Variants in DCDC1 observed in about 807,000 individuals in gnomAD.
DCDC1 encodes the protein doublecortin domain containing 1, also known as doublecortin domain-containing protein 1.
Under a neutral mutation model 178.3 loss-of-function variants are expected in DCDC1, and 200 were observed. The ratio of observed to expected loss-of-function variants is 1.12; its 90% CI spans 1.00 to 1.26. The LOEUF (loss-of-function observed/expected upper bound fraction) is 1.26. Ranked by LOEUF, DCDC1 falls within the 50% of genes most tolerant of loss-of-function variation. The pLI is 0.00. For synonymous variants in DCDC1, 690 were observed against 604.8 expected (o/e 1.14, Z -2.07); for missense variants, 1,983 against 1,749.2 (o/e 1.13, Z -2.38).
chr11:31,354,377 G>C (rs1319818516), intron 1 of DCDC1, among the ~76,000 whole-genome samples: 1 of 152,178 alleles, frequency 6.6e-6, no homozygotes, highest in Non-Finnish European at 1.5e-5. Flanking sequence ...CAAAAGGAAA[G>C]AATATCTTTT....
intron 10 of DCDC1, among the ~76,000 whole-genome samples, chr11:31,137,269 T>C (rs1963249565): frequency 6.6e-6 from 1 of 152,016 alleles, no homozygotes; most frequent in Non-Finnish European, 1.5e-5. Flanking sequence ...GTTTCTATCA[T>C]AAGTTGTTTT....
intron 9 of DCDC1, among the ~76,000 whole-genome samples, chr11:31,149,444 C>T (rs1174120243): frequency 6.6e-6 from 1 of 152,132 alleles, no homozygotes; most frequent in African/African-American, 2.4e-5. Flanking sequence ...ATGGACCAAT[C>T]AGCAGGATGT....
At chr11:31,021,089 T>C (rs1952845373) in intron 20 of DCDC1, among the ~76,000 whole-genome samples, 1 of 152,234 alleles carries the variant, frequency 6.6e-6, no homozygotes. Flanking sequence ...TCTTGTATTA[T>C]CAAAGCTATG....
At chr11:31,195,375 C>T (rs531316409) in intron 9 of DCDC1, among the ~76,000 whole-genome samples, 15 of 152,098 alleles carry the variant, frequency 9.9e-5, no homozygotes, top group South Asian at 6.2e-4. Context: ...AGCAAAAATG[C>T]AATTATTCTA....
At chr11:30,976,117 C>T (rs1950087676) in intron 20 of DCDC1, among the ~76,000 whole-genome samples, 1 of 152,054 alleles carries the variant, frequency 6.6e-6, no homozygotes, top group Admixed American at 6.5e-5. Context: ...TGAAAAGACA[C>T]CCTATTCAAT....
intron 1 of DCDC1, among the ~76,000 whole-genome samples, chr11:31,350,725 G>A (rs1424981850): frequency 6.6e-6 from 1 of 152,064 alleles, no homozygotes; most frequent in Non-Finnish European, 1.5e-5. Context: ...GGTAATATGT[G>A]ACATGAAACA....
chr11:31,063,898 T>C (rs1040057157), intron 20 of DCDC1, among the ~76,000 whole-genome samples: 4 of 152,092 alleles, frequency 2.6e-5, no homozygotes, highest in Non-Finnish European at 5.9e-5. Flanking sequence ...CCCAACAAAA[T>C]AATAATAAAC....
chr11:31,213,215 C>T (rs879929607), intron 9 of DCDC1, among the ~76,000 whole-genome samples: 4 of 146,184 alleles, frequency 2.7e-5, no homozygotes, highest in Admixed American at 7.0e-5. Flanking sequence ...GCATGTGGCT[C>T]TTCAGTCACT....
intron 9 of DCDC1, among the ~76,000 whole-genome samples, chr11:31,185,837 A>G (rs980888471): frequency 6.6e-6 from 1 of 152,226 alleles, no homozygotes; most frequent in Non-Finnish European, 1.5e-5. Flanking sequence ...TAAGTAGATA[A>G]TCTGATCCTG....
intron 18 of DCDC1, 112 bp from the exon 19 acceptor site, chr11:31,065,265 C>T: frequency 2.0e-6 from 1 of 496,592 alleles, no homozygotes; most frequent in Non-Finnish European, 3.6e-6. Context: ...AAAGGTCTGG[C>T]TAATAAACTT....
At chr11:31,213,100 C>CCTCTCTCTTTCTCTCTCTCTCCTCTCTCT (rs1565441644) in intron 9 of DCDC1, among the ~76,000 whole-genome samples, 14 of 44,272 alleles carry the variant, frequency 3.2e-4, no homozygotes, top group Middle Eastern at 0.017. Context: ...TAAAGCCCAG[C>CCTCTCTCTTTCTCTCTCTCTCCTCTCTCT]CTCTCTCTCT....
intron 9 of DCDC1, among the ~76,000 whole-genome samples, chr11:31,159,607 G>C (rs1218825340): frequency 6.6e-6 from 1 of 152,242 alleles, no homozygotes; most frequent in African/African-American, 2.4e-5. Context: ...GATGCAGGCA[G>C]TAAGTGTGAG....
rs1942638920 is a variant in DCDC1 at position 30,881,272 on chromosome 11, G to A, written c.5119C>T (p.His1707Tyr). The part of the protein sequence containing the change: ...QDCSSRLKMT[H>Y]PARALYTPSG... Reference sequence around the variant, plus strand: ...GGGGTGTACAGTGCTCTAGCTGGGTGGGTCATTTTGAGACGAGAGGAGCAG... The same window carrying A: ...GGGGTGTACAGTGCTCTAGCTGGGTAGGTCATTTTGAGACGAGAGGAGCAG... Residue 1707 changes from histidine to tyrosine, a missense_variant, in exon 37 of 39, where the codon CAC (histidine) becomes TAC (tyrosine). His to Tyr is a moderately conservative substitution (Grantham distance 83). Coordinates refer to ENST00000684477, the MANE Select transcript of DCDC1 (RefSeq NM_001387274.1). 6.2e-7 allele frequency: 1 copy of A among 1,613,318 alleles called. No homozygotes were observed. Among genetic ancestry groups the A allele is most frequent in the Admixed American group, 1.7e-5 (1 of 59,936 alleles).
At chr11:31,024,587 G>A (rs1332985179) in intron 20 of DCDC1, among the ~76,000 whole-genome samples, 1 of 151,648 alleles carries the variant, frequency 6.6e-6, no homozygotes, top group Non-Finnish European at 1.5e-5. Flanking sequence ...GGAAAATATA[G>A]AAAAATATAA....
intron 6 of DCDC1, 97 bp from the exon 7 acceptor site, chr11:31,290,949 C>T (rs1177054191): frequency 3.8e-6 from 4 of 1,056,720 alleles, no homozygotes; most frequent in Non-Finnish European, 5.4e-6. Context: ...GTATTATACA[C>T]TGGCCAGTCT....
At chr11:30,888,082 G>GAAAGAAAGAA (rs35914489) in intron 36 of DCDC1, among the ~76,000 whole-genome samples, 6 of 96,344 alleles carry the variant, frequency 6.2e-5, no homozygotes, top group Admixed American at 4.7e-4. Flanking sequence ...GAGAGAGAGA[G>GAAAGAAAGAA]AGAAAGAAAG....
At chr11:31,346,611 ATATTAAGGAAATGATTT>A (rs1950831119) in intron 1 of DCDC1, among the ~76,000 whole-genome samples, 1 of 152,178 alleles carries the variant, frequency 6.6e-6, no homozygotes, top group Non-Finnish European at 1.5e-5. Context: ...TTACTACTTA[ATATTAAGGAAATGATTT>A]TATTAAGGAA....
intron 7 of DCDC1, among the ~76,000 whole-genome samples, chr11:31,270,265 T>C (rs944286154): frequency 6.6e-6 from 1 of 152,202 alleles, no homozygotes; most frequent in African/African-American, 2.4e-5. Flanking sequence ...GATTTAAACA[T>C]GAAATTCAAA....
At chr11:30,959,214 A>G (rs1213424823) in intron 20 of DCDC1, among the ~76,000 whole-genome samples, 1 of 152,090 alleles carries the variant, frequency 6.6e-6, no homozygotes. Flanking sequence ...GGATGACCAC[A>G]TTGAAGTACT....
Sources: gnomAD v4.1 joint callset for allele counts (sites outside exome capture counted in the v4.1 genomes callset) on GRCh38, gnomAD v4.1.1 for gene constraint, MANE v1.5 for transcripts, NCBI Gene and HGNC (gene_info 2026-07-23, HGNC 2026-07-21) for gene names.